Variants in SKAP1 observed in about 807,000 individuals in gnomAD.
SKAP1 encodes the protein src kinase associated phosphoprotein 1, also known as src kinase-associated phosphoprotein 1.
SKAP1 carries 44 observed loss-of-function variants against 58.5 expected under a neutral mutation model. The observed-to-expected ratio is 0.75, with a 90% CI of 0.59 to 0.97. The LOEUF (loss-of-function observed/expected upper bound fraction) is 0.97. Among genes scored for constraint, SKAP1 ranks in the 50% least tolerant of loss-of-function variants. The pLI is 0.00. For synonymous variants in SKAP1, 127 were observed against 149.7 expected, an observed-to-expected ratio of 0.85 and a Z score of 1.11; for missense variants, 390 against 435.2, an observed-to-expected ratio of 0.90 and a Z score of 0.92.
At chr17:48,326,172 T>C (rs1157170285) in intron 4 of SKAP1, among the ~76,000 whole-genome samples, 1 of 152,250 alleles carries the variant, frequency 6.6e-6, no homozygotes, top group African/African-American at 2.4e-5. Context: ...ACCTTTATTA[T>C]AAACAATCTG....
chr17:48,232,601 G>C (rs1477889126), intron 4 of SKAP1, among the ~76,000 whole-genome samples: 1 of 152,158 alleles, frequency 6.6e-6, no homozygotes, highest in Non-Finnish European at 1.5e-5. Flanking sequence ...GGAACAGTAT[G>C]GAGTTAGAAA....
At chr17:48,213,349 T>TC (rs1555603942) in intron 4 of SKAP1, among the ~76,000 whole-genome samples, 2 of 44,998 alleles carry the variant, frequency 4.4e-5, no homozygotes, top group East Asian at 2.0e-3. Context: ...AAACTCTGTC[T>TC]CAAAAAAAAA....
At chr17:48,370,184 GAACA>G (rs1181997000) in intron 2 of SKAP1, among the ~76,000 whole-genome samples, 2 of 152,178 alleles carry the variant, frequency 1.3e-5, no homozygotes, top group Non-Finnish European at 2.9e-5. Flanking sequence ...CAAAAAGCAT[GAACA>G]GACACTTCTT....
chr17:48,363,651 T>C, intron 3 of SKAP1, 138 bp downstream of exon 3: 1 of 664,464 alleles, frequency 1.5e-6, no homozygotes. Flanking sequence ...AGGGTGAAGG[T>C]TAATTAAACA....
chr17:48,336,078 C>T (rs1598584522), intron 4 of SKAP1, among the ~76,000 whole-genome samples: 1 of 152,222 alleles, frequency 6.6e-6, no homozygotes, highest in South Asian at 2.1e-4. Context: ...CCTTTTACCA[C>T]GAGAGGGAGC....
chr17:48,308,840 T>A (rs921646169), intron 4 of SKAP1: 2 of 152,148 alleles, frequency 1.3e-5, no homozygotes, highest in Admixed American at 1.3e-4. Context: ...CATAAAGCAC[T>A]TACAAAAGTC....
At chr17:48,407,409 A>G (rs1341972636) in intron 1 of SKAP1, among the ~76,000 whole-genome samples, 1 of 152,228 alleles carries the variant, frequency 6.6e-6, no homozygotes, top group Non-Finnish European at 1.5e-5. Flanking sequence ...AGCCTCTGAT[A>G]AGAAAGAAAA....
At chr17:48,139,340 CCCAG>C (rs2063740649) in intron 11 of SKAP1, among the ~76,000 whole-genome samples, 1 of 151,682 alleles carries the variant, frequency 6.6e-6, no homozygotes, top group Non-Finnish European at 1.5e-5. Flanking sequence ...CACCACCACG[CCCAG>C]CTAATTTTTT....
intron 2 of SKAP1, among the ~76,000 whole-genome samples, chr17:48,384,615 T>G (rs757588174): frequency 6.6e-6 from 1 of 152,204 alleles, no homozygotes; most frequent in Non-Finnish European, 1.5e-5. Flanking sequence ...GACTATCCTG[T>G]GAGAATCTAT....
chr17:48,214,208 C>T (rs948395094), intron 4 of SKAP1, among the ~76,000 whole-genome samples: 1 of 152,196 alleles, frequency 6.6e-6, no homozygotes, highest in Non-Finnish European at 1.5e-5. Context: ...CTTCAACTTA[C>T]AGCTTTCACC....
intron 4 of SKAP1, among the ~76,000 whole-genome samples, chr17:48,233,436 T>C (rs529888945): frequency 1.2e-3 from 177 of 152,158 alleles, no homozygotes; most frequent in African/African-American, 4.1e-3. Context: ...AAAGGTTTGG[T>C]GATGGAACTA....
chr17:48,420,580 G>A (rs567108918), intron 1 of SKAP1, among the ~76,000 whole-genome samples: 1 of 152,286 alleles, frequency 6.6e-6, no homozygotes, highest in South Asian at 2.1e-4. Context: ...CCTGATAACT[G>A]GGGTGGCAGA....
chr17:48,141,693 A>T (rs896560881), intron 11 of SKAP1, among the ~76,000 whole-genome samples: 3 of 152,054 alleles, frequency 2.0e-5, no homozygotes, highest in Non-Finnish European at 2.9e-5. Flanking sequence ...TAACTTCTTA[A>T]CAAAGTAGAC....
intron 1 of SKAP1, among the ~76,000 whole-genome samples, chr17:48,419,803 T>A (rs918425990): frequency 6.6e-6 from 1 of 152,148 alleles, no homozygotes; most frequent in Non-Finnish European, 1.5e-5. Context: ...TGAATAAAAA[T>A]TTTATTTTCC....
chr17:48,407,500 C>T (rs914204090), intron 1 of SKAP1, among the ~76,000 whole-genome samples: 6 of 152,040 alleles, frequency 3.9e-5, no homozygotes, highest in African/African-American at 7.3e-5. Context: ...ATTTCACATA[C>T]GGTTTTATTT....
chr17:48,333,031 T>G (rs1163307682), intron 4 of SKAP1, among the ~76,000 whole-genome samples: 2 of 152,190 alleles, frequency 1.3e-5, no homozygotes, highest in Admixed American at 1.3e-4. Context: ...CTTAAAGTTG[T>G]GAAACCTTTT....
intron 11 of SKAP1, among the ~76,000 whole-genome samples, chr17:48,148,372 G>C (rs1567792904): frequency 6.6e-6 from 1 of 152,186 alleles, no homozygotes; most frequent in Non-Finnish European, 1.5e-5. Flanking sequence ...TTTGCAGATG[G>C]GAGAAAACAA....
intron 4 of SKAP1, among the ~76,000 whole-genome samples, chr17:48,315,587 A>G (rs2066277244): frequency 6.6e-6 from 1 of 152,208 alleles, no homozygotes; most frequent in Non-Finnish European, 1.5e-5. Flanking sequence ...TTTACTGTGT[A>G]TACTTACAGA....
intron 4 of SKAP1, chr17:48,308,763 TA>T (rs1218060873): frequency 6.6e-6 from 1 of 152,134 alleles, no homozygotes; most frequent in Non-Finnish European, 1.5e-5. Context: ...TCCTTATCTG[TA>T]AAATGGAGAT....
Sources: gnomAD v4.1 joint callset for allele counts (sites outside exome capture counted in the v4.1 genomes callset) on GRCh38, gnomAD v4.1.1 for gene constraint, MANE v1.5 for transcripts, NCBI Gene and HGNC (gene_info 2026-07-23, HGNC 2026-07-21) for gene names.